Variants in CSTF3 observed in about 807,000 individuals in gnomAD.
CSTF3 encodes CF-1 77 kDa subunit.
In CSTF3, 29 loss-of-function variants were observed where a neutral mutation model predicts 105.8. That is an observed-to-expected ratio of 0.27 (90% confidence interval 0.20 to 0.37). The LOEUF (loss-of-function observed/expected upper bound fraction) is 0.37, where lower values mean the gene tolerates loss of function less well. Ranked by LOEUF, CSTF3 falls within the 10% of genes least tolerant of loss-of-function variation. The probability of loss-of-function intolerance (pLI) is 1.00; values close to 1 mark genes in which losing one functional copy is unlikely to be tolerated. For synonymous variants in CSTF3, 252 were observed against 281.9 expected (o/e 0.89, Z 1.06); for missense variants, 357 against 879.3 (o/e 0.41, Z 7.51).
At chr11:33,124,977 A>C (rs1367806693) in intron 3 of CSTF3, among the ~76,000 whole-genome samples, 2 of 152,156 alleles carry the variant, frequency 1.3e-5, no homozygotes. Context: ...CTATAGTTTC[A>C]TCCTCATGTG....
intron 1 of CSTF3, among the ~76,000 whole-genome samples, chr11:33,154,050 T>C (rs1428337390): frequency 1.3e-5 from 2 of 152,160 alleles, no homozygotes; most frequent in African/African-American, 2.4e-5. Context: ...ATATCTGCCA[T>C]TTTTTCATCC....
chr11:33,135,791 A>G (rs1269525678), intron 3 of CSTF3, among the ~76,000 whole-genome samples: 2 of 152,168 alleles, frequency 1.3e-5, no homozygotes. Context: ...GAAAAGTTGC[A>G]GAATATGAAT....
At chr11:33,114,103 ATTAC>A (rs1429789877) in intron 3 of CSTF3, among the ~76,000 whole-genome samples, 1 of 152,214 alleles carries the variant, frequency 6.6e-6, no homozygotes, top group Non-Finnish European at 1.5e-5. Context: ...ATGATCACCT[ATTAC>A]TTAATAGGTT....
chr11:33,128,071 C>T (rs762827365), intron 3 of CSTF3, among the ~76,000 whole-genome samples: 9 of 152,072 alleles, frequency 5.9e-5, no homozygotes, highest in Non-Finnish European at 1.0e-4. Context: ...ATAAGCTAGA[C>T]GCTGGCAATG....
At chr11:33,102,681 A>G (rs536633559) in intron 9 of CSTF3, among the ~76,000 whole-genome samples, 2 of 152,276 alleles carry the variant, frequency 1.3e-5, no homozygotes, top group African/African-American at 2.4e-5. Context: ...TAAAATTTCA[A>G]TAGTTTGTAT....
chr11:33,097,053 C>A, intron 13 of CSTF3, 75 bp from the exon 14 acceptor site: 1 of 1,015,852 alleles, frequency 9.8e-7, no homozygotes, highest in South Asian at 2.3e-5. Context: ...TCCTCAATAC[C>A]CAATAAATTA....
chr11:33,150,034 A>AAC (rs1554952931), intron 1 of CSTF3, among the ~76,000 whole-genome samples: 24 of 148,404 alleles, frequency 1.6e-4, no homozygotes, highest in South Asian at 8.6e-4. Context: ...CAAAACAAAC[A>AAC]AACAACAACA....
At chr11:33,111,102 C>A (rs1025306848) in intron 3 of CSTF3, among the ~76,000 whole-genome samples, 1 of 151,988 alleles carries the variant, frequency 6.6e-6, no homozygotes, top group Non-Finnish European at 1.5e-5. Context: ...TAGTGGCCGG[C>A]GCCTGTAATC....
At chr11:33,161,260 A>T (rs774768536) in intron 1 of CSTF3, 39 bp downstream of exon 1, 1 of 1,611,406 alleles carries the variant, frequency 6.2e-7, no homozygotes. Flanking sequence ...AGACGTGGAG[A>T]AGAGGTCGCC....
At chr11:33,112,516 A>G (rs1219114011) in intron 3 of CSTF3, among the ~76,000 whole-genome samples, 1 of 152,200 alleles carries the variant, frequency 6.6e-6, no homozygotes, top group African/African-American at 2.4e-5. Flanking sequence ...TTTTCATTAT[A>G]TCTTCTCTAA....
intron 8 of CSTF3, among the ~76,000 whole-genome samples, chr11:33,104,762 C>T (rs1855311714): frequency 6.6e-6 from 1 of 151,908 alleles, no homozygotes; most frequent in Non-Finnish European, 1.5e-5. Context: ...AAGACCCTGT[C>T]TCAAAAAAAT....
At chr11:33,096,448 G>T in intron 14 of CSTF3, 40 bp from the exon 15 acceptor site, 1 of 1,287,162 alleles carries the variant, frequency 7.8e-7, no homozygotes, top group Non-Finnish European at 1.1e-6. Context: ...TCCATGAAAT[G>T]TCAGATAAAA....
chr11:33,091,267 A>G lies in CSTF3; in HGVS notation c.1446-540T>C, dbSNP rs188551049. ...TTCCCATTAACGTGGATCACTGGGGAAAAACTGGTGCCTCATCGTTGTTCT... is the reference window on the plus strand; with the variant it reads ...TTCCCATTAACGTGGATCACTGGGGGAAAACTGGTGCCTCATCGTTGTTCT... On this transcript the variant is annotated intron_variant, in intron 16 of 20. Transcript: ENST00000323959. Among the ~76,000 whole-genome samples, 7 of 152,352 alleles carry G rather than the reference A, an allele frequency of 4.6e-5. No individual in the cohort carries two copies. The East Asian group carries it at 1.3e-3, about 29-fold the overall frequency.
intron 15 of CSTF3, 87 bp downstream of exon 15, chr11:33,096,218 TA>T: frequency 2.2e-6 from 2 of 906,446 alleles, no homozygotes; most frequent in Non-Finnish European, 3.2e-6. Flanking sequence ...GTCAAAATTA[TA>T]ATACATTCAA....
At chr11:33,145,996 G>T (rs1363925844) in intron 1 of CSTF3, among the ~76,000 whole-genome samples, 2 of 152,016 alleles carry the variant, frequency 1.3e-5, no homozygotes, top group Admixed American at 6.6e-5. Context: ...CAGCACTTTG[G>T]GAGGCTGAGG....
intron 13 of CSTF3, among the ~76,000 whole-genome samples, chr11:33,097,363 T>C (rs1855232905): frequency 6.6e-6 from 1 of 152,120 alleles, no homozygotes; most frequent in African/African-American, 2.4e-5. Flanking sequence ...TACAAGCACG[T>C]CTTACAATAC....
At chr11:33,114,401 T>C (rs1391125979) in intron 3 of CSTF3, among the ~76,000 whole-genome samples, 3 of 152,178 alleles carry the variant, frequency 2.0e-5, no homozygotes, top group South Asian at 2.1e-4. Flanking sequence ...TAAAACTCTA[T>C]GTCAACAGCA....
chr11:33,128,563 G>A (rs1855567926), intron 3 of CSTF3, among the ~76,000 whole-genome samples: 1 of 151,992 alleles, frequency 6.6e-6, no homozygotes. Context: ...TATTTCAGAT[G>A]TTCATGCTTA....
intron 7 of CSTF3, 46 bp from the exon 8 acceptor site, chr11:33,105,739 T>G: frequency 1.2e-6 from 2 of 1,600,200 alleles, no homozygotes; most frequent in South Asian, 2.2e-5. Flanking sequence ...TAACCAAATC[T>G]CATTCAACCC....
Sources: gnomAD v4.1 joint callset for allele counts (sites outside exome capture counted in the v4.1 genomes callset) on GRCh38, gnomAD v4.1.1 for gene constraint, MANE v1.5 for transcripts, NCBI Gene and HGNC (gene_info 2026-07-23, HGNC 2026-07-21) for gene names.